The following SRGAP2 variants were observed in gnomAD, a reference collection of about 807,000 sequenced individuals.
SRGAP2 encodes the protein SLIT-ROBO Rho GTPase activating protein 2, also known as SLIT-ROBO Rho GTPase-activating protein 2.
Under a neutral mutation model 57.2 loss-of-function variants are expected in SRGAP2, and 15 were observed. The ratio of observed to expected loss-of-function variants is 0.26; its 90% confidence interval spans 0.18 to 0.40. The LOEUF is 0.40. SRGAP2 is among the 10% of genes least tolerant of loss of function. The probability of loss-of-function intolerance (pLI) is 1.00; values close to 1 mark genes in which losing one functional copy is unlikely to be tolerated. For synonymous variants in SRGAP2, 249 were observed against 248.0 expected, an observed-to-expected ratio of 1.00 and a Z score of -0.04; for missense variants, 520 against 669.6, an observed-to-expected ratio of 0.78 and a Z score of 2.47.
rs1376104745 is a variant in SRGAP2, at chr1:206,461,228, C to G, written c.3024C>G (p.Phe1008Leu). ...TCCTCAAGGACCCCGAGCCCGCCTT[C>G]CAGCGCAGCGCCAGTACTGCTGGGG... ...TQLLKDPEPAFQRSASTAGDI... is the reference protein window; with the variant it reads ...TQLLKDPEPALQRSASTAGDI... Residue 1008 changes from phenylalanine to leucine, a missense_variant, in exon 23 of 23, where the codon TTC becomes TTG. Physicochemically the swap from Phe to Leu is conservative, Grantham distance 22 (BLOSUM62 0). This residue lies in a region of SRGAP2 where 478 missense variants were observed against 373.6 expected (regional missense o/e 1.28). Coordinates refer to ENST00000573034, the MANE Select transcript of SRGAP2 (RefSeq NM_015326.5). 3 of 780,680 alleles carry G rather than the reference C, an allele frequency of 3.8e-6. No individual in the cohort carries two copies. The highest frequency in any genetic ancestry group is 7.2e-6 in the Non-Finnish European group (3 of 417,928). The allele number at this position is 780,680 out of a possible 1,614,324, so 48.4% of individuals were successfully genotyped here.
chr1:206,460,487 G>A (rs2103423444), intron 22 of SRGAP2, among the ~76,000 whole-genome samples: 1 of 152,250 alleles, frequency 6.6e-6, no homozygotes. Context: ...GGGAGGAGGG[G>A]CGGGGGGAGG....
chr1:206,348,037 G>A (rs1675775395), intron 4 of SRGAP2, among the ~76,000 whole-genome samples: 1 of 148,742 alleles, frequency 6.7e-6, no homozygotes, highest in Non-Finnish European at 1.5e-5. Context: ...TGCACAATTG[G>A]CCCCTCTATG....
At position 206,434,537 on chromosome 1, in the gene SRGAP2, T is replaced by C. The variant is rs1661560739; in HGVS notation, c.1556-2428T>C. On this transcript the variant is annotated intron_variant, in intron 14 of 22. Transcript: ENST00000573034. The stretch of plus-strand genomic sequence containing the variant: ...TTAAAAGATCATGGATGTGTCACTT[T>C]GGTTATGTAAGGATTCGCCTGCATT... 3.9e-5 allele frequency among the ~76,000 whole-genome samples: 6 copies of C among 152,364 alleles called. No individual in the cohort carries two copies. In the South Asian group the frequency reaches 1.2e-3, roughly 32 times the overall value.
At chr1:206,253,115 T>G (rs1291446640) in intron 2 of SRGAP2, among the ~76,000 whole-genome samples, 1 of 146,862 alleles carries the variant, frequency 6.8e-6, no homozygotes, top group Non-Finnish European at 1.5e-5. Context: ...GGGGCTGCTC[T>G]GGAGCTGTTG....
intron 2 of SRGAP2, among the ~76,000 whole-genome samples, chr1:206,255,735 A>G (rs1669142935): frequency 1.3e-5 from 2 of 148,948 alleles, no homozygotes; most frequent in South Asian, 2.2e-4. Context: ...TTAATCATTT[A>G]GTTATTTTAG....
rs375475642 is a variant in SRGAP2 at position 206,440,061 on chromosome 1, C to T, written c.1854C>T (p.Tyr618=). ...AAACCACTCTGATTATCATGAGATA[C>T]CTCTTTGCCTTCCTCAATCAGTGAG... The part of the protein sequence containing the change: ...LPKTTLIIMR[Y]LFAFLNHLSQ... The change falls in exon 17 of 23, where the codon TAC becomes TAT. Residue 618 remains tyrosine (Y), a synonymous_variant. Transcript: ENST00000573034. 4 of 780,756 alleles carry T rather than the reference C, an allele frequency of 5.1e-6. No individual in the cohort carries two copies. Among genetic ancestry groups the T allele is most frequent in the African/African-American group, 1.7e-5 (1 of 59,142 alleles). 48.4% of individuals were successfully genotyped at this position (780,756 alleles called of 1,614,324 possible).
At chr1:206,426,371 A>T (rs556526683) in intron 13 of SRGAP2, among the ~76,000 whole-genome samples, 97 of 152,300 alleles carry the variant, frequency 6.4e-4, no homozygotes, top group African/African-American at 2.2e-3. Flanking sequence ...CCATTCATCT[A>T]TTGATGGACA....
At chr1:206,286,874 C>T (rs1370370761) in intron 2 of SRGAP2, among the ~76,000 whole-genome samples, 6 of 151,518 alleles carry the variant, frequency 4.0e-5, no homozygotes, top group African/African-American at 1.5e-4. Context: ...GTGAACTGGG[C>T]CATGTAAGGT....
At position 206,328,142 on chromosome 1, in the gene SRGAP2, A is replaced by C. The variant is rs1171008727; in HGVS notation, c.261-14704A>C. On this transcript the variant is annotated intron_variant, in intron 3 of 22. Coordinates refer to ENST00000573034, the MANE Select transcript of SRGAP2 (RefSeq NM_015326.5). The stretch of plus-strand genomic sequence containing the variant: ...TCCCTACAAAGGACATGAACTCATC[A>C]TTTTTTATGGCTGCATAGTATTCCA... Among the ~76,000 whole-genome samples the C allele has an allele frequency of 4.3e-4, 44 of 101,632 alleles. 2 individuals carry two copies. In the East Asian group the frequency reaches 9.1e-3, roughly 21 times the overall value. 66.7% of individuals were successfully genotyped at this position (101,632 alleles called of 152,430 possible).
chr1:206,410,653 C>T (rs77314421), intron 10 of SRGAP2, among the ~76,000 whole-genome samples: 1,920 of 152,270 alleles, frequency 0.013, 24 homozygotes, highest in South Asian at 0.027. Flanking sequence ...TCCACTTATA[C>T]AGTTCTTCAC....
At chr1:206,436,915 T>C (rs782666660) in intron 14 of SRGAP2, 50 bp from the exon 15 acceptor site, 1 of 780,062 alleles carries the variant, frequency 1.3e-6, no homozygotes, top group Non-Finnish European at 2.4e-6. Context: ...GGCACTATGC[T>C]TGTGAATTTG....
At chr1:206,451,019 C>A (rs4127124) in intron 19 of SRGAP2, among the ~76,000 whole-genome samples, 87,216 of 148,770 alleles carry the variant, frequency 0.59, 26,595 homozygotes, top group African/African-American at 0.76. Flanking sequence ...TGGGAGGCTG[C>A]GGTAGGAAGA....
intron 2 of SRGAP2, among the ~76,000 whole-genome samples, chr1:206,229,611 G>A (rs1667493828): frequency 6.6e-6 from 1 of 151,972 alleles, no homozygotes; most frequent in African/African-American, 2.4e-5. Context: ...ACAGGATAGT[G>A]AAGGATCCTT....
intron 11 of SRGAP2, among the ~76,000 whole-genome samples, chr1:206,417,586 T>G (rs568614776): frequency 6.6e-6 from 1 of 150,780 alleles, no homozygotes; most frequent in African/African-American, 2.4e-5. Context: ...CCTGGCTAAT[T>G]TTTTTGTATT....
chr1:206,454,744 A>G lies in SRGAP2; in HGVS notation c.2361-134A>G. 1 of 607,558 alleles carries G rather than the reference A, an allele frequency of 1.6e-6. No individual in the cohort carries two copies. The highest frequency in any genetic ancestry group is 1.9e-5 in the African/African-American group (1 of 54,028). 37.6% of individuals were successfully genotyped at this position (607,558 alleles called of 1,614,324 possible). A position where few individuals can be genotyped will look rare whatever the true frequency, so the allele number is the denominator to read the frequency against. On this transcript the variant is annotated intron_variant, in intron 20 of 22. Coordinates refer to ENST00000573034, the MANE Select transcript of SRGAP2 (RefSeq NM_015326.5). This position sits in a 1 kb window ranked among gnomAD's most constrained non-coding sequence, Gnocchi z 4.3. ...TTGCCTCTGCTCACAGAACTAGTCC[A>G]GCCAGGTGTCGCTGCTGCCTCAGAG... is the stretch of plus-strand genomic sequence containing the variant.
In SRGAP2 at chr1:206,203,804, C is replaced by G. The variant is rs567032003; in HGVS notation, c.-543+154C>G. The G allele has an allele frequency of 9.9e-5, 151 of 1,532,646 alleles. 1 individual carries two copies. The highest frequency in any genetic ancestry group is 2.4e-4 in the Admixed American group (12 of 50,460). The allele number at this position is 1,532,646 out of a possible 1,614,324, so 94.9% of individuals were successfully genotyped here. ...GCCCGGAATCCCTCAGACCGCCCCC[C>G]CTCCACCCTCTCCAAATCTCCCAGT... On this transcript the variant is annotated intron_variant, in intron 1 of 22. Coordinates refer to ENST00000573034, the MANE Select transcript of SRGAP2 (RefSeq NM_015326.5).
chr1:206,209,916 T>A lies in SRGAP2; in HGVS notation c.67+3879T>A, dbSNP rs559655079. ...ACTGCTTTTAAAATTTGTATTATTT[T>A]AAATTGTTGTATTGGTATTTTTATT... On this transcript the variant is annotated intron_variant, in intron 2 of 22. Transcript: ENST00000573034. Among the ~76,000 whole-genome samples, 10 of 120,778 alleles carry A rather than the reference T, an allele frequency of 8.3e-5. No homozygotes were observed. The East Asian group carries it at 2.1e-3, about 25-fold the overall frequency. 79.2% of individuals were successfully genotyped at this position (120,778 alleles called of 152,430 possible).
At chr1:206,203,820 A>G (rs1553300055) in intron 1 of SRGAP2, 170 bp downstream of exon 1, 18 of 1,527,812 alleles carry the variant, frequency 1.2e-5, no homozygotes, top group Non-Finnish European at 1.4e-5. Flanking sequence ...CCCTCTCCAA[A>G]TCTCCCAGTA....
At chr1:206,319,405 C>T (rs1226432417) in intron 3 of SRGAP2, among the ~76,000 whole-genome samples, 2 of 151,414 alleles carry the variant, frequency 1.3e-5, no homozygotes, top group African/African-American at 4.9e-5. Context: ...AGCGAGACTC[C>T]GTCTCAAAAA....
Sources: allele counts gnomAD v4.1 joint callset (sites outside exome capture counted in the v4.1 genomes callset), GRCh38; gene constraint gnomAD v4.1.1; regional missense constraint gnomAD v4.1.1; non-coding constraint Gnocchi (gnomAD v3.1); transcripts MANE v1.5; gene names NCBI Gene and HGNC (gene_info 2026-07-23, HGNC 2026-07-21).